PLCE1: variants seen among roughly 807,000 people sequenced by gnomAD.
PLCE1 encodes the protein 1-phosphatidylinositol 4,5-bisphosphate phosphodiesterase epsilon-1.
In PLCE1, 119 loss-of-function variants were observed where a neutral mutation model predicts 242.8. That is an observed-to-expected ratio of 0.49 (90% CI 0.42 to 0.57). The LOEUF (loss-of-function observed/expected upper bound fraction) is 0.57. PLCE1 is among the 20% of genes least tolerant of loss of function. The pLI is 0.00. For missense variants in PLCE1, 2,441 were observed against 2,788.8 expected, an observed-to-expected ratio of 0.88 and a Z score of 2.81; for synonymous variants, 945 against 1,017.4, an observed-to-expected ratio of 0.93 and a Z score of 1.35.
rs372623895 is a variant in PLCE1 at position 94,279,919 on chromosome 10, A to G, written c.4795+8A>G. The G allele has an allele frequency of 6.6e-5, 107 of 1,613,468 alleles. 1 individual carries two copies. In the African/African-American group the frequency reaches 9.9e-4, roughly 15 times the overall value. ...ATGAATCCCTTTCTGATGGTAAGAG[A>G]AACAGATCCCTATGCTGTGCACAGG... On this transcript the variant is annotated splice_region_variant and intron_variant, in intron 20 of 32. Transcript: ENST00000371380.
At chr10:94,159,860 C>T (rs983765771) in intron 3 of PLCE1, among the ~76,000 whole-genome samples, 5 of 152,014 alleles carry the variant, frequency 3.3e-5, no homozygotes, top group South Asian at 2.1e-4. Flanking sequence ...TGAGTGAGAA[C>T]GTGCGGTGTT....
Position 94,316,588 on chromosome 10 carries a change from C to G in PLCE1, c.6174C>G (p.Asp2058Glu). 1 of 1,609,070 alleles carries G rather than the reference C, an allele frequency of 6.2e-7. No individual in the cohort carries two copies. The highest frequency in any genetic ancestry group is 8.5e-7 in the Non-Finnish European group (1 of 1,176,458). Residue 2058 changes from aspartate to glutamate, a missense_variant, in exon 29 of 33, where the codon GAC (aspartate) becomes GAG (glutamate). Around this residue, in one of 5 missense-constraint regions of PLCE1, gnomAD observed 310 missense variants for 317.2 expected, o/e 0.98. Transcript: ENST00000371380. The part of the protein sequence containing the change: ...NEQDIKPVTT[D>E]YFLMEEKYFI... ...AAGACATCAAACCTGTTACCACAGA[C>G]TATTTTTTGATGGAAGAAAAATATT...
At chr10:94,055,381 A>C (rs2043875419) in intron 2 of PLCE1, among the ~76,000 whole-genome samples, 1 of 150,504 alleles carries the variant, frequency 6.6e-6, no homozygotes, top group African/African-American at 2.5e-5. Flanking sequence ...TGCGATCTCC[A>C]CTCACTGCAA....
At chr10:94,018,287 T>TC (rs2061315614) in intron 1 of PLCE1, among the ~76,000 whole-genome samples, 1 of 152,106 alleles carries the variant, frequency 6.6e-6, no homozygotes. Context: ...ACTTTTCTCT[T>TC]CCCCCTCGTT....
intron 1 of PLCE1, among the ~76,000 whole-genome samples, chr10:94,013,935 C>A (rs2061222790): frequency 6.6e-6 from 1 of 152,154 alleles, no homozygotes; most frequent in South Asian, 2.1e-4. Context: ...TCTCTTCCCT[C>A]TGTCCCATGT....
At chr10:94,007,656 A>G (rs1394282165) in intron 1 of PLCE1, among the ~76,000 whole-genome samples, 2 of 130,888 alleles carry the variant, frequency 1.5e-5, no homozygotes, top group Admixed American at 1.6e-4. Flanking sequence ...TAAACTGCAT[A>G]TAGGTTAAAA....
intron 3 of PLCE1, among the ~76,000 whole-genome samples, chr10:94,132,902 C>A (rs10882397): frequency 0.52 from 76,465 of 147,728 alleles, 20,052 homozygotes; most frequent in East Asian, 0.65. Flanking sequence ...GTGAGCCGAG[C>A]TCACGCCACT....
At chr10:94,310,259 T>G in intron 27 of PLCE1, among the ~76,000 whole-genome samples, 1 of 152,190 alleles carries the variant, frequency 6.6e-6, no homozygotes, top group East Asian at 1.9e-4. Context: ...CTTTCTGCTT[T>G]CTTTTCTGCC....
rs1206630924 is a variant in PLCE1 at position 94,306,922 on chromosome 10, A to G, written c.5884+234A>G. Among the ~76,000 whole-genome samples, 14 of 152,216 alleles carry G rather than the reference A, an allele frequency of 9.2e-5. No homozygotes were observed. Among genetic ancestry groups the G allele is most frequent in the African/African-American group, 2.9e-4 (12 of 41,450 alleles). ...AATATCCCTTGTAAAGTACAGCCTCACCCATGCTTGCTGATGTCAGGAGCA... is the reference window on the plus strand; with the variant it reads ...AATATCCCTTGTAAAGTACAGCCTCGCCCATGCTTGCTGATGTCAGGAGCA... On this transcript the variant is annotated intron_variant, in intron 26 of 32. Transcript: ENST00000371380. The surrounding 1 kb of genome is among the most constrained non-coding windows in gnomAD (Gnocchi z 5.7).
chr10:94,041,270 G>C (rs1454818982), intron 2 of PLCE1, among the ~76,000 whole-genome samples: 2 of 152,088 alleles, frequency 1.3e-5, no homozygotes, highest in East Asian at 3.9e-4. Context: ...CACTTCTGCT[G>C]TCTCCTTCTT....
intron 4 of PLCE1, among the ~76,000 whole-genome samples, chr10:94,204,245 C>G (rs2049071725): frequency 6.6e-6 from 1 of 151,992 alleles, no homozygotes; most frequent in Admixed American, 6.6e-5. Context: ...TTCTCATTAT[C>G]TGAAAAAGAA....
chr10:94,170,748 G>A (rs2047946270), intron 3 of PLCE1, among the ~76,000 whole-genome samples: 1 of 152,102 alleles, frequency 6.6e-6, no homozygotes, highest in Non-Finnish European at 1.5e-5. Context: ...CACATAATAT[G>A]CATATACATA....
chr10:94,115,351 C>T (rs1309691025), intron 2 of PLCE1, among the ~76,000 whole-genome samples: 1 of 152,180 alleles, frequency 6.6e-6, no homozygotes, highest in Non-Finnish European at 1.5e-5. Context: ...ACACTGTCTT[C>T]CACAATGGTT....
At chr10:94,223,619 A>T (rs913143278) in intron 4 of PLCE1, among the ~76,000 whole-genome samples, 11 of 152,106 alleles carry the variant, frequency 7.2e-5, no homozygotes, top group Non-Finnish European at 2.9e-5. Context: ...TGGGAGGGGC[A>T]GTTGTGGAGG....
chr10:94,306,731 G>GT lies in PLCE1; in HGVS notation c.5884+44dup. ...AAATGTTAATAATTGTTGTAGCTAG[G>GT]TGATGGATGCCAGAATTTCCTTATA... On this transcript the variant is annotated intron_variant, in intron 26 of 32. Transcript: ENST00000371380. The surrounding 1 kb of genome is among the most constrained non-coding windows in gnomAD (Gnocchi z 5.7). The GT allele has an allele frequency of 6.9e-7, 1 of 1,445,442 alleles. No individual in the cohort carries two copies. The highest frequency in any genetic ancestry group is 9.6e-7 in the Non-Finnish European group (1 of 1,039,832). 89.5% of individuals were successfully genotyped at this position (1,445,442 alleles called of 1,614,324 possible).
intron 4 of PLCE1, among the ~76,000 whole-genome samples, chr10:94,204,795 GAAGGAAGC>G (rs56871300): frequency 0.17 from 15,172 of 87,480 alleles, 1,267 homozygotes; most frequent in African/African-American, 0.21. Context: ...AGGAAGGAAG[GAAGGAAGC>G]AAAATAATGT....
chr10:94,058,161 T>A (rs1214139421), intron 2 of PLCE1, among the ~76,000 whole-genome samples: 3 of 152,210 alleles, frequency 2.0e-5, no homozygotes, highest in Non-Finnish European at 2.9e-5. Flanking sequence ...GACATTTTTT[T>A]AAATAGAGAG....
chr10:94,068,663 GTT>G (rs1443656227), intron 2 of PLCE1, among the ~76,000 whole-genome samples: 2 of 152,308 alleles, frequency 1.3e-5, no homozygotes, highest in African/African-American at 4.8e-5. Context: ...GCACTGAGAA[GTT>G]TGCATGTGTT....
intron 3 of PLCE1, among the ~76,000 whole-genome samples, chr10:94,136,913 C>G (rs1379139471): frequency 2.0e-5 from 3 of 152,206 alleles, no homozygotes; most frequent in Admixed American, 6.5e-5. Flanking sequence ...ATCCTTCTGG[C>G]CGGGCGTGGT....
Sources: gnomAD v4.1 joint callset for allele counts (sites outside exome capture counted in the v4.1 genomes callset) on GRCh38, gnomAD v4.1.1 for gene constraint, gnomAD v4.1.1 regional missense constraint, Gnocchi (gnomAD v3.1) non-coding constraint, MANE v1.5 for transcripts, NCBI Gene and HGNC (gene_info 2026-07-23, HGNC 2026-07-21) for gene names.